Variants in TMOD1 observed in about 807,000 individuals in gnomAD.
TMOD1 encodes the protein tropomodulin 1.
In TMOD1, 17 loss-of-function variants were observed where a neutral mutation model predicts 40.6. That is an observed-to-expected ratio of 0.42 (90% CI 0.29 to 0.63). The LOEUF is 0.63. TMOD1 is among the 20% of genes least tolerant of loss of function. The pLI is 0.22. For synonymous variants in TMOD1, 181 were observed against 175.0 expected (o/e 1.03, Z -0.27); for missense variants, 391 against 447.6 (o/e 0.87, Z 1.14).
At chr9:97,509,507 TTTTTGTTTTTTG>T (rs1449703028) in intron 1 of TMOD1, among the ~76,000 whole-genome samples, 3 of 120,972 alleles carry the variant, frequency 2.5e-5, no homozygotes, top group Non-Finnish European at 3.7e-5. Context: ...GAGGTTTTTT[TTTTTGTTTTTTG>T]TTTTTTTTTT....
Position 97,557,009 on chromosome 9 carries a change from C to T in TMOD1, c.397+3609C>T, listed in dbSNP as rs189544502. ...ACTCAGGTGTGACACGGGTGAGATG[C>T]ATCACTCATGTATTCACCTAACTGC... On this transcript the variant is annotated intron_variant, in intron 4 of 9. Coordinates refer to ENST00000259365, the MANE Select transcript of TMOD1 (RefSeq NM_003275.4). The surrounding 1 kb of genome is among the most constrained non-coding windows in gnomAD (Gnocchi z 4.4). Among the ~76,000 whole-genome samples, 1 of 152,112 alleles carries T rather than the reference C, an allele frequency of 6.6e-6. No individual in the cohort carries two copies. The highest frequency in any genetic ancestry group is 1.5e-5 in the Non-Finnish European group (1 of 68,014).
At chr9:97,545,481 T>C (rs1014035860) in intron 2 of TMOD1, among the ~76,000 whole-genome samples, 1 of 152,236 alleles carries the variant, frequency 6.6e-6, no homozygotes, top group African/African-American at 2.4e-5. Flanking sequence ...TGATGTTATG[T>C]TTCTTGAGAT....
At chr9:97,503,007 A>T (rs1457634637) in intron 1 of TMOD1, among the ~76,000 whole-genome samples, 1 of 150,332 alleles carries the variant, frequency 6.7e-6, no homozygotes, top group African/African-American at 2.5e-5. Context: ...ATGCCCTCAG[A>T]CTCTCGGAGA....
chr9:97,585,097 T>C (rs1825841312), intron 8 of TMOD1, among the ~76,000 whole-genome samples: 2 of 152,164 alleles, frequency 1.3e-5, no homozygotes, highest in African/African-American at 2.4e-5. Context: ...TTCTTCCTAG[T>C]CTTGATGGTC....
chr9:97,600,686 T>C lies in TMOD1; in HGVS notation c.*988T>C, dbSNP rs964917421. Reference sequence around the variant, plus strand: ...AATTGCTGCTGACCTTACGCCTGTATATTAAGCCTCCGCAGGATGCCGGAC... The same window carrying C: ...AATTGCTGCTGACCTTACGCCTGTACATTAAGCCTCCGCAGGATGCCGGAC... On this transcript the variant is annotated 3_prime_UTR_variant, in exon 10 of 10. Coordinates refer to ENST00000259365, the MANE Select transcript of TMOD1 (RefSeq NM_003275.4). The C allele has an allele frequency of 3.0e-6, 3 of 1,001,646 alleles. No homozygotes were observed. The highest frequency in any genetic ancestry group is 1.7e-5 in the African/African-American group (1 of 57,474). The allele number at this position is 1,001,646 out of a possible 1,614,324, so 62.0% of individuals were successfully genotyped here.
intron 8 of TMOD1, among the ~76,000 whole-genome samples, chr9:97,571,925 T>A (rs1046900208): frequency 3.9e-5 from 6 of 152,216 alleles, no homozygotes; most frequent in African/African-American, 1.2e-4. Context: ...TTGCCAGGAC[T>A]GTGCTGGGCT....
rs531768157 is a variant in TMOD1, at chr9:97,504,608, C to CA, written c.-49+2812dup. On this transcript the variant is annotated intron_variant, in intron 1 of 9. Coordinates refer to ENST00000259365, the MANE Select transcript of TMOD1 (RefSeq NM_003275.4). ...GGTGGCCTTCATCCCCTGGAATGAGCAAAAAAAGGTAAAACGAAGCAGATC... is the reference window on the plus strand; with the variant it reads ...GGTGGCCTTCATCCCCTGGAATGAGCAAAAAAAAGGTAAAACGAAGCAGATC... Among the ~76,000 whole-genome samples, 224 of 151,962 alleles carry CA rather than the reference C, an allele frequency of 1.5e-3. 1 individual carries two copies. The highest frequency in any genetic ancestry group is 6.8e-3 in the Middle Eastern group (2 of 294).
chr9:97,600,406 T>C lies in TMOD1; in HGVS notation c.*708T>C, dbSNP rs1826229313. The C allele has an allele frequency of 1.0e-6, 1 of 985,726 alleles. No homozygotes were observed. Among genetic ancestry groups the C allele is most frequent in the African/African-American group, 1.7e-5 (1 of 57,258 alleles). The allele number at this position is 985,726 out of a possible 1,614,324, so 61.1% of individuals were successfully genotyped here. Reference sequence around the variant, plus strand: ...CAACAAACATGTCCCTGAGTGTTCTTTAAGAACATTTGGGATTTATGTACA... The same window carrying C: ...CAACAAACATGTCCCTGAGTGTTCTCTAAGAACATTTGGGATTTATGTACA... On this transcript the variant is annotated 3_prime_UTR_variant, in exon 10 of 10. Coordinates refer to ENST00000259365, the MANE Select transcript of TMOD1 (RefSeq NM_003275.4).
At chr9:97,523,382 G>A (rs974689004) in intron 1 of TMOD1, among the ~76,000 whole-genome samples, 12 of 152,292 alleles carry the variant, frequency 7.9e-5, no homozygotes, top group African/African-American at 2.9e-4. Context: ...GGCTCCCTCT[G>A]GGGGGAAATG....
intron 1 of TMOD1, among the ~76,000 whole-genome samples, chr9:97,522,809 C>T (rs1042323939): frequency 6.6e-6 from 1 of 152,174 alleles, no homozygotes; most frequent in East Asian, 1.9e-4. Flanking sequence ...GCAATCCTCT[C>T]ACCTCAGCCT....
chr9:97,577,175 C>T (rs1825628081), intron 8 of TMOD1, among the ~76,000 whole-genome samples: 2 of 152,210 alleles, frequency 1.3e-5, no homozygotes, highest in African/African-American at 4.8e-5. Context: ...GCATGACCAA[C>T]CCCTTGGTCT....
chr9:97,599,622 A>ATTCCT lies in TMOD1; in HGVS notation c.1016-7_1016-3dup. 1 of 1,614,078 alleles carries ATTCCT rather than the reference A, an allele frequency of 6.2e-7. No homozygotes were observed. On this transcript the variant is annotated splice_polypyrimidine_tract_variant and intron_variant, in intron 9 of 9. Coordinates refer to ENST00000259365, the MANE Select transcript of TMOD1 (RefSeq NM_003275.4). ...GAAAAGTGCCTTATATCTTATCTCCATTCCTTTCCAGTGAGGAAGAGGAGG... is the reference window on the plus strand; with the variant it reads ...GAAAAGTGCCTTATATCTTATCTCCATTCCTTTCCTTTCCAGTGAGGAAGAGGAGG...
chr9:97,530,372 G>T (rs1223833210), intron 2 of TMOD1, among the ~76,000 whole-genome samples: 2 of 151,972 alleles, frequency 1.3e-5, no homozygotes, highest in Non-Finnish European at 2.9e-5. Flanking sequence ...CCTAAGAGTT[G>T]ATTTTAAAGT....
At chr9:97,593,771 A>T (rs1297109723) in intron 9 of TMOD1, among the ~76,000 whole-genome samples, 1 of 152,052 alleles carries the variant, frequency 6.6e-6, no homozygotes, top group East Asian at 1.9e-4. Flanking sequence ...AGGAAGAGAT[A>T]GGTTGATGGA....
chr9:97,539,577 C>A (rs2131239037), intron 2 of TMOD1, among the ~76,000 whole-genome samples: 1 of 152,272 alleles, frequency 6.6e-6, no homozygotes, highest in South Asian at 2.1e-4. Flanking sequence ...ACTGCATTAG[C>A]CACTTTTATC....
At chr9:97,595,313 A>G (rs957346737) in intron 9 of TMOD1, among the ~76,000 whole-genome samples, 1 of 152,232 alleles carries the variant, frequency 6.6e-6, no homozygotes, top group Non-Finnish European at 1.5e-5. Context: ...AGAGCTTTAT[A>G]AAACACCTTA....
At chr9:97,591,254 ATTTTATT>A (rs755470773) in intron 8 of TMOD1, 30 bp from the exon 9 acceptor site, 80 of 1,555,996 alleles carry the variant, frequency 5.1e-5, no homozygotes, top group Middle Eastern at 1.7e-4. Flanking sequence ...ATGAGTGGTG[ATTTTATT>A]TTTTATTTTT....
intron 5 of TMOD1, among the ~76,000 whole-genome samples, chr9:97,563,825 G>A (rs994556378): frequency 2.0e-5 from 3 of 152,154 alleles, no homozygotes; most frequent in African/African-American, 7.2e-5. Flanking sequence ...GTTCTTGCAG[G>A]ACGTCAAAGG....
intron 1 of TMOD1, among the ~76,000 whole-genome samples, chr9:97,512,172 T>G (rs1390113025): frequency 6.6e-6 from 1 of 152,150 alleles, no homozygotes; most frequent in Non-Finnish European, 1.5e-5. Context: ...AGAAGGCATA[T>G]AAAATGTGCT....
Sources: gnomAD v4.1 joint callset for allele counts (sites outside exome capture counted in the v4.1 genomes callset) on GRCh38, gnomAD v4.1.1 for gene constraint, Gnocchi (gnomAD v3.1) non-coding constraint, MANE v1.5 for transcripts, NCBI Gene and HGNC (gene_info 2026-07-23, HGNC 2026-07-21) for gene names.